Variants in DYRK1A observed in about 807,000 individuals in gnomAD.
DYRK1A encodes dual specificity tyrosine phosphorylation regulated kinase 1A, also known as dual specificity tyrosine-phosphorylation-regulated kinase 1A.
Under a neutral mutation model 79.7 loss-of-function variants are expected in DYRK1A, and 9 were observed. The observed-to-expected ratio is 0.11, with a 90% CI of 0.07 to 0.20. The LOEUF is 0.20. Among genes scored for constraint, DYRK1A ranks in the 10% least tolerant of loss-of-function variants. The pLI, the probability that DYRK1A is intolerant of heterozygous loss-of-function variation, is 1.00. For missense variants in DYRK1A, 622 were observed against 956.0 expected (o/e 0.65, Z 4.61); for synonymous variants, 349 against 329.7 (o/e 1.06, Z -0.63).
In DYRK1A at chr21:37,496,160, C is replaced by T; in HGVS notation, c.1114C>T (p.Pro372Ser). 6.2e-7 allele frequency: 1 copy of T among 1,613,926 alleles called. No individual in the cohort carries two copies. Among genetic ancestry groups the T allele is most frequent in the South Asian group, 1.1e-5 (1 of 91,018 alleles). Residue 372 changes from proline (P) to serine (S), a missense_variant, in exon 9 of 12, where the codon CCT becomes TCT. Around this residue, in one of 5 missense-constraint regions of DYRK1A, gnomAD observed 80 missense variants for 116.5 expected, o/e 0.69. Coordinates refer to ENST00000647188, the MANE Select transcript of DYRK1A (RefSeq NM_001347721.2). ...AATAGTGGAAGTTCTGGGTATTCCA[C>T]CTGCTCATATTCTTGACCAAGCACC... The part of the protein sequence containing the change: ...NKIVEVLGIP[P>S]AHILDQAPKA...
rs138322142 is a variant in DYRK1A at position 37,410,909 on chromosome 21, C to T, written c.-76-9390C>T. ...CTAAAAATAGAAAAAATTATCTGGGCATGGTGGCGCCCACTTGTAATCCCA... is the reference window on the plus strand; with the variant it reads ...CTAAAAATAGAAAAAATTATCTGGGTATGGTGGCGCCCACTTGTAATCCCA... On this transcript the variant is annotated intron_variant, in intron 1 of 11. Transcript: ENST00000647188. 3.3e-3 allele frequency among the ~76,000 whole-genome samples: 499 copies of T among 152,070 alleles called. 3 individuals carry two copies. The highest frequency in any genetic ancestry group is 0.012 in the African/African-American group (478 of 41,478).
At chr21:37,384,338 G>GA (rs947859344) in intron 1 of DYRK1A, among the ~76,000 whole-genome samples, 10 of 152,220 alleles carry the variant, frequency 6.6e-5, no homozygotes, top group Middle Eastern at 3.4e-3. Flanking sequence ...GCTGTAAGCA[G>GA]AAAAAATCTC....
rs1411923078 is a variant in DYRK1A, at chr21:37,519,579, T to A, written c.*7048T>A. On this transcript the variant is annotated 3_prime_UTR_variant, in exon 12 of 12. Transcript: ENST00000647188. ...CAGCAAACAATGCAGGGAAATGAGGTGGACAGTGTTCTCCGTGGAGGGCTA... is the reference window on the plus strand; with the variant it reads ...CAGCAAACAATGCAGGGAAATGAGGAGGACAGTGTTCTCCGTGGAGGGCTA... 6.6e-6 allele frequency: 1 copy of A among 152,154 alleles called. No homozygotes were observed. The highest frequency in any genetic ancestry group is 1.5e-5 in the Non-Finnish European group (1 of 68,028). 9.4% of individuals were successfully genotyped at this position (152,154 alleles called of 1,614,324 possible).
intron 1 of DYRK1A, among the ~76,000 whole-genome samples, chr21:37,400,471 C>T (rs2050033128): frequency 6.6e-6 from 1 of 152,192 alleles, no homozygotes; most frequent in Admixed American, 6.5e-5. Flanking sequence ...GTAGATATAT[C>T]ATAAGTATAC....
At chr21:37,467,160 C>G (rs2052057698) in intron 2 of DYRK1A, among the ~76,000 whole-genome samples, 1 of 151,860 alleles carries the variant, frequency 6.6e-6, no homozygotes. Context: ...AGCAAAACTC[C>G]TGGTCCAGAA....
chr21:37,478,128 A>G, intron 3 of DYRK1A, 80 bp from the exon 4 acceptor site: 1 of 1,585,840 alleles, frequency 6.3e-7, no homozygotes, highest in South Asian at 1.1e-5. Flanking sequence ...AGGTTACAGA[A>G]GAGGGAATTT....
chr21:37,501,814 G>T (rs1220078444), intron 9 of DYRK1A: 2 of 152,174 alleles, frequency 1.3e-5, no homozygotes, highest in East Asian at 3.8e-4. Context: ...GTGTATTTGT[G>T]TATATTCTGT....
At chr21:37,430,031 T>TAAA (rs765479916) in intron 2 of DYRK1A, among the ~76,000 whole-genome samples, 4 of 152,236 alleles carry the variant, frequency 2.6e-5, no homozygotes, top group Non-Finnish European at 5.9e-5. Flanking sequence ...GATCCTCTTT[T>TAAA]AAAGTTTTTC....
At chr21:37,383,132 C>T (rs773133517) in intron 1 of DYRK1A, among the ~76,000 whole-genome samples, 4 of 152,202 alleles carry the variant, frequency 2.6e-5, no homozygotes, top group Non-Finnish European at 5.9e-5. Flanking sequence ...TTGCCTACCT[C>T]AGAGGCCAGT....
chr21:37,401,631 C>T (rs2050056656), intron 1 of DYRK1A, among the ~76,000 whole-genome samples: 1 of 151,826 alleles, frequency 6.6e-6, no homozygotes, highest in East Asian at 1.9e-4. Context: ...TACAGGCGTG[C>T]CCCACCACAC....
chr21:37,375,356 A>G (rs1471112815), intron 1 of DYRK1A, among the ~76,000 whole-genome samples: 1 of 152,168 alleles, frequency 6.6e-6, no homozygotes, highest in Non-Finnish European at 1.5e-5. Context: ...TACTTACTTG[A>G]CATGATTAGA....
chr21:37,496,584 G>A (rs1196657910), intron 9 of DYRK1A, among the ~76,000 whole-genome samples: 2 of 152,088 alleles, frequency 1.3e-5, no homozygotes, highest in African/African-American at 4.8e-5. Flanking sequence ...CACAGCTTGG[G>A]CATGTAATGA....
chr21:37,433,752 C>T (rs1243808440), intron 2 of DYRK1A, among the ~76,000 whole-genome samples: 1 of 152,168 alleles, frequency 6.6e-6, no homozygotes, highest in Non-Finnish European at 1.5e-5. Flanking sequence ...TGAAAGCTTA[C>T]ATTTAAACAA....
At chr21:37,370,447 C>A (rs531147792) in intron 1 of DYRK1A, among the ~76,000 whole-genome samples, 198 of 152,188 alleles carry the variant, frequency 1.3e-3, no homozygotes, top group African/African-American at 4.5e-3. Context: ...AATCTTGTGC[C>A]ACTGAACACA....
intron 1 of DYRK1A, among the ~76,000 whole-genome samples, chr21:37,376,857 A>G (rs1382487608): frequency 6.6e-6 from 1 of 152,116 alleles, no homozygotes; most frequent in African/African-American, 2.4e-5. Flanking sequence ...ATGATAGCAG[A>G]TCATTTCCCC....
At chr21:37,446,559 A>G (rs557485033) in intron 2 of DYRK1A, among the ~76,000 whole-genome samples, 17 of 151,930 alleles carry the variant, frequency 1.1e-4, no homozygotes, top group Admixed American at 9.2e-4. Context: ...AGAATCTACA[A>G]TGTATAGGCA....
At chr21:37,444,133 A>G (rs577765296) in intron 2 of DYRK1A, among the ~76,000 whole-genome samples, 1 of 152,298 alleles carries the variant, frequency 6.6e-6, no homozygotes, top group Admixed American at 6.5e-5. Flanking sequence ...ACCTCTGTTT[A>G]GAAGGTTTAT....
chr21:37,370,909 T>A (rs1222757418), intron 1 of DYRK1A, among the ~76,000 whole-genome samples: 2 of 152,196 alleles, frequency 1.3e-5, no homozygotes, highest in African/African-American at 4.8e-5. Flanking sequence ...ACCAGTGTAA[T>A]AGCACCTTAT....
At chr21:37,484,165 C>G (rs1041384513) in intron 5 of DYRK1A, among the ~76,000 whole-genome samples, 3 of 152,088 alleles carry the variant, frequency 2.0e-5, no homozygotes, top group Non-Finnish European at 4.4e-5. Context: ...TTATGAAAAT[C>G]TAATGCCTAA....
Sources: gnomAD v4.1 joint callset for allele counts (sites outside exome capture counted in the v4.1 genomes callset) on GRCh38, gnomAD v4.1.1 for gene constraint, gnomAD v4.1.1 regional missense constraint, MANE v1.5 for transcripts, NCBI Gene and HGNC (gene_info 2026-07-23, HGNC 2026-07-21) for gene names.